OTUD5: variants seen among roughly 807,000 people sequenced by gnomAD.
OTUD5 encodes OTU domain-containing protein 5.
A neutral mutation model predicts 36.3 loss-of-function variants in OTUD5; 2 were observed. The observed-to-expected ratio is 0.06, with a 90% CI of 0.02 to 0.17. The LOEUF (loss-of-function observed/expected upper bound fraction) is 0.17. OTUD5 is among the 10% of genes least tolerant of loss of function. The probability of loss-of-function intolerance (pLI) is 1.00; values close to 1 mark genes in which losing one functional copy is unlikely to be tolerated. For synonymous variants in OTUD5, 234 were observed against 214.9 expected, an observed-to-expected ratio of 1.09 and a Z score of -0.78; for missense variants, 233 against 512.3, an observed-to-expected ratio of 0.45 and a Z score of 5.26.
intron 7 of OTUD5, 24 bp from the exon 8 acceptor site, chrX:48,923,770 G>A (rs781957041): frequency 1.2e-5 from 14 of 1,185,864 alleles, no homozygotes; most frequent in Admixed American, 2.2e-5. Flanking sequence ...ACAGTCAAAG[G>A]TAGGGACCCA....
upstream of OTUD5, chrX:48,957,743 C>A (rs1477508837): frequency 3.3e-4 from 252 of 773,711 alleles, no homozygotes; most frequent in Non-Finnish European, 3.7e-4. Context: ...GCGGCGGCGG[C>A]GGCGGCGGTG....
intron 1 of OTUD5, among the ~76,000 whole-genome samples, chrX:48,953,524 T>C (rs1471526375): frequency 9.0e-6 from 1 of 111,374 alleles, no homozygotes; most frequent in Admixed American, 9.6e-5. Flanking sequence ...CCAGAGAGCA[T>C]AGGTAGAACC....
chrX:48,956,336 G>A (rs1048837629), intron 1 of OTUD5, among the ~76,000 whole-genome samples: 1 of 100,867 alleles, frequency 9.9e-6, no homozygotes, highest in Non-Finnish European at 2.0e-5. Context: ...TGTGTGTCAG[G>A]ACCTTGATTC....
At chrX:48,943,014 T>C (rs953921287) in intron 2 of OTUD5, among the ~76,000 whole-genome samples, 7 of 110,647 alleles carry the variant, frequency 6.3e-5, no homozygotes, top group African/African-American at 1.6e-4. Flanking sequence ...ACGGAGAGAA[T>C]AGCAGACCAA....
At chrX:48,951,348 C>CG (rs2064139308) in intron 1 of OTUD5, among the ~76,000 whole-genome samples, 1 of 112,319 alleles carries the variant, frequency 8.9e-6, no homozygotes, top group Non-Finnish European at 1.9e-5. Context: ...GGCGTGGTGG[C>CG]TCACGCCTGT....
intron 2 of OTUD5, among the ~76,000 whole-genome samples, chrX:48,939,429 T>G (rs782064042): frequency 9.0e-6 from 1 of 111,670 alleles, no homozygotes; most frequent in East Asian, 2.8e-4. Context: ...CCCCACTTCT[T>G]TCCTTTTTCT....
At chrX:48,942,295 T>TAG (rs2063945249) in intron 2 of OTUD5, among the ~76,000 whole-genome samples, 1 of 35,538 alleles carries the variant, frequency 2.8e-5, no homozygotes, top group African/African-American at 1.1e-4. Flanking sequence ...AACAGCTAGC[T>TAG]AGATACACAC....
intron 2 of OTUD5, among the ~76,000 whole-genome samples, chrX:48,939,737 G>A (rs782497078): frequency 1.4e-4 from 16 of 112,160 alleles, no homozygotes; most frequent in Non-Finnish European, 2.3e-4. Context: ...TCTGTTGCCC[G>A]GGGGAAGTCC....
At chrX:48,957,778 G>A, upstream of OTUD5, 1 of 790,474 alleles carries the variant, frequency 1.3e-6, no homozygotes, top group Non-Finnish European at 1.5e-6. Context: ...ACGCCGAGAG[G>A]AGAACCCGGA....
chrX:48,956,600 G>A (rs1557055341), intron 1 of OTUD5, among the ~76,000 whole-genome samples: 2 of 111,303 alleles, frequency 1.8e-5, no homozygotes, highest in East Asian at 2.8e-4. Context: ...GAGCTCTTAA[G>A]CCACTGAACA....
chrX:48,942,242 CAT>C (rs1413636214), intron 2 of OTUD5, among the ~76,000 whole-genome samples: 18 of 81,696 alleles, frequency 2.2e-4, no homozygotes, highest in South Asian at 7.4e-4. Context: ...TACACACACA[CAT>C]ACACACACAC....
intron 5 of OTUD5, among the ~76,000 whole-genome samples, chrX:48,926,436 C>T (rs1356861188): frequency 9.1e-6 from 1 of 109,965 alleles, no homozygotes; most frequent in Non-Finnish European, 1.9e-5. Context: ...CTGCAACCTC[C>T]GCCTCCCAGG....
intron 2 of OTUD5, among the ~76,000 whole-genome samples, chrX:48,939,624 G>A (rs2063885376): frequency 8.9e-6 from 1 of 111,881 alleles, no homozygotes; most frequent in African/African-American, 3.2e-5. Flanking sequence ...TATAAACTGA[G>A]GGACCCCCTA....
At chrX:48,933,413 T>C (rs2063785809) in intron 5 of OTUD5, among the ~76,000 whole-genome samples, 1 of 69,219 alleles carries the variant, frequency 1.4e-5, no homozygotes, top group Non-Finnish European at 2.9e-5. Flanking sequence ...AATATATTTG[T>C]AACTTTTTTT....
Position 48,923,211 on chromosome X carries a change from T to C in OTUD5, c.1664A>G (p.Asn555Ser). The change falls in exon 9 of 9, where the codon AAC (asparagine) becomes AGC (serine). Residue 555 changes from asparagine to serine, a missense_variant. Asn to Ser is a conservative substitution (Grantham distance 46). Coordinates refer to ENST00000376488, the MANE Select transcript of OTUD5 (RefSeq NM_001136157.2). ...QQEYLDSMKK[N>S]KVHRDPPPDK... is the part of the protein sequence containing the mutation. The stretch of plus-strand genomic sequence containing the variant: ...TGGGGGCGGGTCTCTGTGCACTTTG[T>C]TTTTCTTCATACTGTCTAGGTATTC... 8.3e-7 allele frequency: 1 copy of C among 1,208,147 alleles called. No individual in the cohort carries two copies. The highest frequency in any genetic ancestry group is 1.1e-6 in the Non-Finnish European group (1 of 892,891).
chrX:48,957,219 C>G lies in OTUD5; in HGVS notation c.352G>C (p.Gly118Arg). The stretch of plus-strand genomic sequence containing the variant: ...GCACCCACACCCGCCGCCGCTGCGC[C>G]CAGCGCGTCGCCGGGACCGCCGCCG... ...GPGGGPGDAL[G>R]AAAAGVGAAG... The change falls in exon 1 of 9, where the codon GGC becomes CGC. Residue 118 changes from glycine to arginine, a missense_variant. Around this residue, in one of 3 missense-constraint regions of OTUD5, gnomAD observed 155 missense variants for 217.2 expected, o/e 0.71. Coordinates refer to ENST00000376488, the MANE Select transcript of OTUD5 (RefSeq NM_001136157.2). 9.1e-7 allele frequency: 1 copy of G among 1,097,215 alleles called. No individual in the cohort carries two copies. The highest frequency in any genetic ancestry group is 1.2e-6 in the Non-Finnish European group (1 of 849,518). The allele number at this position is 1,097,215 out of a possible 1,213,427, so 90.4% of individuals were successfully genotyped here. A position where few individuals can be genotyped will look rare whatever the true frequency, so the allele number is the denominator to read the frequency against.
At chrX:48,949,588 G>C (rs940512197) in intron 1 of OTUD5, among the ~76,000 whole-genome samples, 8 of 111,809 alleles carry the variant, frequency 7.2e-5, no homozygotes, top group Non-Finnish European at 1.3e-4. Flanking sequence ...TGAGGCAGGA[G>C]AATCGCTGGA....
In OTUD5 at chrX:48,923,215, T is replaced by C; in HGVS notation, c.1660A>G (p.Lys554Glu). ...GGCGGGTCTCTGTGCACTTTGTTTT[T>C]CTTCATACTGTCTAGGTATTCCTGT... Reference protein sequence around the residue: ...SQQEYLDSMKKNKVHRDPPPD... With the variant: ...SQQEYLDSMKENKVHRDPPPD... The change falls in exon 9 of 9, where the codon AAA (lysine) becomes GAA (glutamate). Residue 554 changes from lysine (K) to glutamate (E), a missense_variant. Coordinates refer to ENST00000376488, the MANE Select transcript of OTUD5 (RefSeq NM_001136157.2). 1.7e-6 allele frequency: 2 copies of C among 1,208,631 alleles called. No homozygotes were observed. Among genetic ancestry groups the C allele is most frequent in the Non-Finnish European group, 2.2e-6 (2 of 893,091 alleles).
chrX:48,941,109 T>C (rs1379262976), intron 2 of OTUD5, among the ~76,000 whole-genome samples: 1 of 110,780 alleles, frequency 9.0e-6, no homozygotes, highest in Non-Finnish European at 1.9e-5. Context: ...ACAACCAAGC[T>C]AAGAAGCTAA....
Sources: gnomAD v4.1 joint callset for allele counts (sites outside exome capture counted in the v4.1 genomes callset) on GRCh38, gnomAD v4.1.1 for gene constraint, gnomAD v4.1.1 regional missense constraint, MANE v1.5 for transcripts, NCBI Gene and HGNC (gene_info 2026-07-23, HGNC 2026-07-21) for gene names.